CDC5L: variants seen among roughly 807,000 people sequenced by gnomAD.
The protein encoded by CDC5L is cell division cycle 5-like protein.
CDC5L carries 18 observed loss-of-function variants against 104.1 expected under a neutral mutation model. The observed-to-expected ratio is 0.17, with a 90% confidence interval of 0.12 to 0.26. CDC5L has a LOEUF of 0.26. Among genes scored for constraint, CDC5L ranks in the 10% least tolerant of loss-of-function variants. CDC5L has a pLI of 1.00. For missense variants in CDC5L, 673 were observed against 956.9 expected (o/e 0.70, Z 3.91); for synonymous variants, 331 against 322.7 (o/e 1.03, Z -0.28).
At chr6:44,411,702 T>G (rs983229650) in intron 8 of CDC5L, among the ~76,000 whole-genome samples, 1 of 151,656 alleles carries the variant, frequency 6.6e-6, no homozygotes, top group South Asian at 2.1e-4. Flanking sequence ...CTTTTTCTTC[T>G]CATTTTATAT....
chr6:44,442,045 T>C lies in CDC5L; in HGVS notation c.2092-3610T>C, dbSNP rs368464032. Among the ~76,000 whole-genome samples the C allele has an allele frequency of 2.4e-4, 36 of 151,574 alleles. No individual in the cohort carries two copies. In the South Asian group the frequency reaches 4.8e-3, roughly 20 times the overall value. ...TCTACCTCCTGGGTTCAAGCTATTC[T>C]GCTGCCTCAGCCTCCCGAGTAGCTG... On this transcript the variant is annotated intron_variant, in intron 14 of 15. Transcript: ENST00000371477.
intron 3 of CDC5L, 96 bp downstream of exon 3, chr6:44,392,924 A>C: frequency 8.8e-7 from 1 of 1,138,946 alleles, no homozygotes; most frequent in Non-Finnish European, 1.2e-6. Flanking sequence ...ACTTTTAATT[A>C]TGGATGTGAG....
At chr6:44,434,496 G>A (rs1382498852) in intron 14 of CDC5L, among the ~76,000 whole-genome samples, 3 of 152,176 alleles carry the variant, frequency 2.0e-5, no homozygotes, top group Admixed American at 6.5e-5. Flanking sequence ...AAATGTTTTG[G>A]TGATTGAACC....
intron 14 of CDC5L, among the ~76,000 whole-genome samples, chr6:44,431,458 C>T (rs1454616743): frequency 6.6e-6 from 1 of 152,164 alleles, no homozygotes; most frequent in Non-Finnish European, 1.5e-5. Flanking sequence ...CTAATATCAG[C>T]ATCATCACTG....
rs199688549 is a variant in CDC5L at position 44,408,629 on chromosome 6, G to A, written c.1089G>A (p.Leu363=). 1 of 1,592,412 alleles carries A rather than the reference G, an allele frequency of 6.3e-7. No individual in the cohort carries two copies. The highest frequency in any genetic ancestry group is 2.3e-5 in the East Asian group (1 of 44,374). Residue 363 remains leucine, a synonymous_variant, in exon 8 of 16, where the codon CTG becomes CTA. Coordinates refer to ENST00000371477, the MANE Select transcript of CDC5L (RefSeq NM_001253.4). ...PRTPASQDRI[L]QEAQNLMALT... is the part of the protein sequence containing the mutation. ...CACCAGCTTCCCAGGACAGAATTCT[G>A]CAGGTAACGTGTCACGTAGTAGAAT...
intron 1 of CDC5L, among the ~76,000 whole-genome samples, chr6:44,388,393 C>G (rs546051621): frequency 3.6e-4 from 55 of 152,246 alleles, no homozygotes; most frequent in African/African-American, 1.3e-3. Flanking sequence ...GTTATCAGGG[C>G]ATAACCTGTC....
intron 5 of CDC5L, 33 bp from the exon 6 acceptor site, chr6:44,403,776 A>G (rs760128199): frequency 6.8e-7 from 1 of 1,466,278 alleles, no homozygotes; most frequent in Non-Finnish European, 9.4e-7. Context: ...CACATGGCAT[A>G]TGATTTTCAA....
Position 44,448,809 on chromosome 6 carries a change from TAGTTTTA to T in CDC5L, c.*2104_*2110del, listed in dbSNP as rs1793545492. 6.6e-6 allele frequency: 1 copy of T among 152,200 alleles called. No homozygotes were observed. The highest frequency in any genetic ancestry group is 1.5e-5 in the Non-Finnish European group (1 of 68,030). 9.4% of individuals were successfully genotyped at this position (152,200 alleles called of 1,614,324 possible). ...TTTCTTATTTTAATGGGAATGTCCA[TAGTTTTA>T]AGTTTGCTGTTGGGAGTTAGATAGT... is the stretch of plus-strand genomic sequence containing the variant. On this transcript the variant is annotated 3_prime_UTR_variant, in exon 16 of 16. Transcript: ENST00000371477.
intron 12 of CDC5L, 44 bp from the exon 13 acceptor site, chr6:44,426,433 ATATAT>A (rs1293797798): frequency 9.4e-7 from 1 of 1,061,910 alleles, no homozygotes; most frequent in Admixed American, 2.1e-5. Flanking sequence ...AATAACATTA[ATATAT>A]TATAGTGATA....
At chr6:44,417,787 T>A (rs1272141983) in intron 8 of CDC5L, among the ~76,000 whole-genome samples, 3 of 152,098 alleles carry the variant, frequency 2.0e-5, no homozygotes, top group African/African-American at 7.2e-5. Context: ...TGGGAGTATC[T>A]TAAGTTCCCA....
At position 44,396,421 on chromosome 6, in the gene CDC5L, A is replaced by G; in HGVS notation, c.520A>G (p.Lys174Glu). The G allele has an allele frequency of 6.2e-7, 1 of 1,609,930 alleles. No individual in the cohort carries two copies. Among genetic ancestry groups the G allele is most frequent in the Non-Finnish European group, 8.5e-7 (1 of 1,177,124 alleles). ...GKKAKRKAREKQLEEARRLAA... is the reference protein window; with the variant it reads ...GKKAKRKAREEQLEEARRLAA... Reference sequence around the variant, plus strand: ...GAAGGCCAAGAGGAAAGCAAGAGAGAAACAATTGGAAGAAGCAAGGTATGT... The same window carrying G: ...GAAGGCCAAGAGGAAAGCAAGAGAGGAACAATTGGAAGAAGCAAGGTATGT... Residue 174 changes from lysine (K) to glutamate (E), a missense_variant, in exon 5 of 16, where the codon AAA (lysine) becomes GAA (glutamate). Physicochemically the swap from Lys to Glu is moderately conservative, Grantham distance 56. Coordinates refer to ENST00000371477, the MANE Select transcript of CDC5L (RefSeq NM_001253.4).
At position 44,448,488 on chromosome 6, in the gene CDC5L, A is replaced by G. The variant is rs1353149740; in HGVS notation, c.*1777A>G. The stretch of plus-strand genomic sequence containing the variant: ...GGAGCCTGATGCAGTGATCCAGACA[A>G]AAAAATAATAGTGATTCTAACTAGA... On this transcript the variant is annotated 3_prime_UTR_variant, in exon 16 of 16. Transcript: ENST00000371477. 1.3e-5 allele frequency: 2 copies of G among 152,148 alleles called. No individual in the cohort carries two copies. The highest frequency in any genetic ancestry group is 2.9e-5 in the Non-Finnish European group (2 of 68,040). The allele number at this position is 152,148 out of a possible 1,614,324, so 9.4% of individuals were successfully genotyped here.
chr6:44,438,980 A>G (rs1793061406), intron 14 of CDC5L, among the ~76,000 whole-genome samples: 1 of 152,134 alleles, frequency 6.6e-6, no homozygotes, highest in South Asian at 2.1e-4. Flanking sequence ...ATCACCTCAG[A>G]AAGAGATTCT....
At position 44,394,611 on chromosome 6, in the gene CDC5L, G is replaced by A. The variant is rs771244291; in HGVS notation, c.439+1038G>A. On this transcript the variant is annotated intron_variant, in intron 4 of 15. Transcript: ENST00000371477. ...TGGCTCACGCCTGTAATCCCAGCAC[G>A]TTGGGAGGCTGAGGTGGGCAGATCA... 3.9e-5 allele frequency among the ~76,000 whole-genome samples: 6 copies of A among 151,954 alleles called. No individual in the cohort carries two copies. In the East Asian group the frequency reaches 5.8e-4, roughly 15 times the overall value.
intron 4 of CDC5L, among the ~76,000 whole-genome samples, chr6:44,393,813 T>A (rs1437321089): frequency 1.3e-5 from 2 of 152,064 alleles, no homozygotes; most frequent in African/African-American, 4.8e-5. Context: ...TACAGGTTTA[T>A]GCCGCCATAC....
At chr6:44,401,403 A>G (rs1391372855) in intron 5 of CDC5L, among the ~76,000 whole-genome samples, 2 of 152,148 alleles carry the variant, frequency 1.3e-5, no homozygotes. Context: ...GTCCAAAGCT[A>G]GGACTTCTGT....
intron 5 of CDC5L, among the ~76,000 whole-genome samples, chr6:44,399,153 A>T (rs541100463): frequency 6.6e-6 from 1 of 152,098 alleles, no homozygotes; most frequent in African/African-American, 2.4e-5. Context: ...GAGTCTCGCT[A>T]TGTTGCCCAG....
Position 44,446,667 on chromosome 6 carries a change from G to A in CDC5L, c.2365G>A (p.Ala789Thr). The change falls in exon 16 of 16, where the codon GCT becomes ACT. Residue 789 changes from alanine to threonine, a missense_variant. Physicochemically the swap from Ala to Thr is moderately conservative, Grantham distance 58. Around this residue, in one of 4 missense-constraint regions of CDC5L, gnomAD observed 578 missense variants for 737.0 expected, o/e 0.78. Coordinates refer to ENST00000371477, the MANE Select transcript of CDC5L (RefSeq NM_001253.4). ...EREKELQHRYADLLLEKETLK... is the reference protein window; with the variant it reads ...EREKELQHRYTDLLLEKETLK... Reference sequence around the variant, plus strand: ...AGAAAAGGAACTTCAACATAGATATGCTGATTTGCTGCTGGAGAAAGAGAC... The same window carrying A: ...AGAAAAGGAACTTCAACATAGATATACTGATTTGCTGCTGGAGAAAGAGAC... 6.3e-7 allele frequency: 1 copy of A among 1,595,662 alleles called. No homozygotes were observed. Among genetic ancestry groups the A allele is most frequent in the Non-Finnish European group, 8.5e-7 (1 of 1,170,738 alleles).
intron 14 of CDC5L, among the ~76,000 whole-genome samples, chr6:44,443,538 C>A (rs1471213568): frequency 6.6e-6 from 1 of 151,138 alleles, no homozygotes; most frequent in African/African-American, 2.4e-5. Flanking sequence ...ATTATTTTTT[C>A]TTTTTGCTCC....
Sources: gnomAD v4.1 joint callset for allele counts (sites outside exome capture counted in the v4.1 genomes callset) on GRCh38, gnomAD v4.1.1 for gene constraint, gnomAD v4.1.1 regional missense constraint, MANE v1.5 for transcripts, NCBI Gene and HGNC (gene_info 2026-07-23, HGNC 2026-07-21) for gene names.